Variants in ANO3 observed in about 807,000 individuals in gnomAD.
The protein encoded by ANO3 is anoctamin 3.
A neutral mutation model predicts 144.8 loss-of-function variants in ANO3; 99 were observed. The ratio of observed to expected loss-of-function variants is 0.68; its 90% CI spans 0.58 to 0.81. ANO3 has a LOEUF of 0.81. Ranked by LOEUF, ANO3 falls within the 30% of genes least tolerant of loss-of-function variation. ANO3 has a pLI of 0.00. For missense variants in ANO3, 905 were observed against 1,202.2 expected (o/e 0.75, Z 3.66); for synonymous variants, 414 against 392.6 (o/e 1.05, Z -0.64).
chr11:26,377,332 CTGTT>C (rs1856441330), intron 1 of ANO3, among the ~76,000 whole-genome samples: 1 of 151,964 alleles, frequency 6.6e-6, no homozygotes, highest in Non-Finnish European at 1.5e-5. Context: ...GTCAAGAAAT[CTGTT>C]TGAAAATATG....
intron 1 of ANO3, among the ~76,000 whole-genome samples, chr11:26,282,268 T>C (rs1853695150): frequency 6.6e-6 from 1 of 152,018 alleles, no homozygotes; most frequent in Non-Finnish European, 1.5e-5. Context: ...GAAATAAATC[T>C]GAACTGGGCT....
intron 1 of ANO3, among the ~76,000 whole-genome samples, chr11:26,223,533 G>C (rs1351605072): frequency 6.7e-6 from 1 of 149,912 alleles, no homozygotes; most frequent in Non-Finnish European, 1.5e-5. Context: ...CCACATTTCT[G>C]GATATCCTTA....
At chr11:26,430,697 A>G (rs1268373787) in intron 1 of ANO3, among the ~76,000 whole-genome samples, 3 of 152,210 alleles carry the variant, frequency 2.0e-5, no homozygotes, top group African/African-American at 4.8e-5. Flanking sequence ...AAAAAAATCA[A>G]TGAAATAGAC....
intron 1 of ANO3, among the ~76,000 whole-genome samples, chr11:26,389,328 A>T (rs1856816588): frequency 6.6e-6 from 1 of 152,080 alleles, no homozygotes; most frequent in Non-Finnish European, 1.5e-5. Context: ...TCAGTGTCTC[A>T]ATTTCTTCAT....
At chr11:26,608,609 G>T (rs554693801) in intron 17 of ANO3, among the ~76,000 whole-genome samples, 1 of 152,126 alleles carries the variant, frequency 6.6e-6, no homozygotes, top group Non-Finnish European at 1.5e-5. Flanking sequence ...CAGGCCCAGG[G>T]AGATTAGAGT....
At chr11:26,243,443 G>T (rs184693302) in intron 1 of ANO3, among the ~76,000 whole-genome samples, 1 of 150,810 alleles carries the variant, frequency 6.6e-6, no homozygotes, top group African/African-American at 2.4e-5. Flanking sequence ...TTTACAAAGA[G>T]CAAAAGAGAG....
intron 1 of ANO3, among the ~76,000 whole-genome samples, chr11:26,353,643 A>G (rs1203666449): frequency 6.6e-6 from 1 of 152,150 alleles, no homozygotes; most frequent in African/African-American, 2.4e-5. Flanking sequence ...ATCTTGGCTC[A>G]CTGCAAATTC....
chr11:26,312,878 C>T (rs1406578396), intron 1 of ANO3, among the ~76,000 whole-genome samples: 1 of 152,120 alleles, frequency 6.6e-6, no homozygotes, highest in Non-Finnish European at 1.5e-5. Context: ...AAAGGCTTCT[C>T]TTCTTTTAGC....
chr11:26,613,243 A>G (rs2132973304), intron 17 of ANO3, among the ~76,000 whole-genome samples: 1 of 152,284 alleles, frequency 6.6e-6, no homozygotes, highest in African/African-American at 2.4e-5. Flanking sequence ...ATTCAAGCTT[A>G]AAAATATATT....
At chr11:26,280,537 T>C (rs1006894162) in intron 1 of ANO3, among the ~76,000 whole-genome samples, 3 of 152,104 alleles carry the variant, frequency 2.0e-5, no homozygotes, top group Non-Finnish European at 4.4e-5. Flanking sequence ...ACAAGTCTAG[T>C]CTTCTCACGT....
chr11:26,525,062 G>A (rs1849127494), intron 6 of ANO3, among the ~76,000 whole-genome samples: 2 of 152,064 alleles, frequency 1.3e-5, no homozygotes, highest in Non-Finnish European at 2.9e-5. Flanking sequence ...AACTAATTGA[G>A]CTCCCTTTCC....
chr11:26,595,659 AG>A (rs34725396), intron 14 of ANO3, among the ~76,000 whole-genome samples: 1 of 151,942 alleles, frequency 6.6e-6, no homozygotes, highest in Non-Finnish European at 1.5e-5. Flanking sequence ...GTCGTCCTGA[AG>A]GGAGTTCCTC....
At chr11:26,239,291 T>A (rs12223415) in intron 1 of ANO3, among the ~76,000 whole-genome samples, 2,538 of 152,288 alleles carry the variant, frequency 0.017, 57 homozygotes, top group East Asian at 0.13. Context: ...TTGACCTCCC[T>A]TTTATGCTAA....
At chr11:26,609,931 G>T (rs1852046231) in intron 17 of ANO3, among the ~76,000 whole-genome samples, 1 of 152,104 alleles carries the variant, frequency 6.6e-6, no homozygotes, top group Admixed American at 6.5e-5. Context: ...ATTTATTTGA[G>T]ACGGAGTTTC....
At chr11:26,301,364 A>G (rs1247013968) in intron 1 of ANO3, among the ~76,000 whole-genome samples, 1 of 152,218 alleles carries the variant, frequency 6.6e-6, no homozygotes, top group African/African-American at 2.4e-5. Flanking sequence ...AGCTTATTAA[A>G]TGAGAAAAAA....
intron 3 of ANO3, among the ~76,000 whole-genome samples, chr11:26,445,704 A>G (rs569089410): frequency 1.3e-5 from 2 of 152,196 alleles, no homozygotes; most frequent in Non-Finnish European, 2.9e-5. Context: ...GGTGAGGTAC[A>G]GTCTCCAGCT....
chr11:26,656,332 CTT>C, intron 25 of ANO3, 42 bp from the exon 26 acceptor site: 6 of 1,504,126 alleles, frequency 4.0e-6, no homozygotes, highest in Non-Finnish European at 5.5e-6. Flanking sequence ...GGCCTCCACT[CTT>C]TGATCTCTAT....
At chr11:26,347,118 G>T (rs753235252) in intron 1 of ANO3, among the ~76,000 whole-genome samples, 21 of 152,094 alleles carry the variant, frequency 1.4e-4, no homozygotes, top group African/African-American at 2.2e-4. Context: ...TCAAATTCTC[G>T]CTCCATCACT....
intron 1 of ANO3, among the ~76,000 whole-genome samples, chr11:26,263,508 C>T (rs1045628358): frequency 3.3e-5 from 5 of 152,214 alleles, no homozygotes; most frequent in African/African-American, 1.2e-4. Flanking sequence ...CAGTGTTATT[C>T]ATCTCTGGGT....
Sources: allele counts gnomAD v4.1 joint callset (sites outside exome capture counted in the v4.1 genomes callset), GRCh38; gene constraint gnomAD v4.1.1; transcripts MANE v1.5; gene names NCBI Gene and HGNC (gene_info 2026-07-23, HGNC 2026-07-21).